CD22: variants seen among roughly 807,000 people sequenced by gnomAD.
CD22 encodes CD22 molecule.
Under a neutral mutation model 94.7 loss-of-function variants are expected in CD22, and 51 were observed. The observed-to-expected ratio is 0.54, with a 90% CI of 0.43 to 0.68. The LOEUF (loss-of-function observed/expected upper bound fraction) is 0.68, where lower values mean the gene tolerates loss of function less well. Among genes scored for constraint, CD22 ranks in the 30% least tolerant of loss-of-function variants. The pLI is 0.00. For missense variants in CD22, 931 were observed against 1,060.4 expected (o/e 0.88, Z 1.69); for synonymous variants, 424 against 422.5 (o/e 1.00, Z -0.04).
intron 11 of CD22, chr19:35,345,377 C>T (rs1284211568): frequency 1.3e-5 from 7 of 535,414 alleles, no homozygotes; most frequent in African/African-American, 8.1e-5. Flanking sequence ...GCCAAGATTG[C>T]GCCATTGCAC....
At chr19:35,345,773 A>G in intron 12 of CD22, 53 bp downstream of exon 12, 2 of 1,255,164 alleles carry the variant, frequency 1.6e-6, no homozygotes, top group Non-Finnish European at 2.3e-6. Context: ...AGGCGGGAGG[A>G]AAAGCTCTGT....
chr19:35,339,424 A>T (rs1461328497), intron 6 of CD22, among the ~76,000 whole-genome samples: 1 of 151,558 alleles, frequency 6.6e-6, no homozygotes, highest in African/African-American at 2.4e-5. Flanking sequence ...TGGCATGGTC[A>T]TGCATGCCTG....
At chr19:35,334,753 C>G (rs2066694185) in intron 3 of CD22, among the ~76,000 whole-genome samples, 1 of 152,104 alleles carries the variant, frequency 6.6e-6, no homozygotes, top group Non-Finnish European at 1.5e-5. Context: ...GCTGAAAAGT[C>G]CGTGAACTAA....
intron 11 of CD22, 53 bp downstream of exon 11, chr19:35,345,179 A>G (rs921204280): frequency 1.3e-6 from 2 of 1,510,088 alleles, no homozygotes; most frequent in Non-Finnish European, 1.8e-6. Flanking sequence ...GCACTTTGGG[A>G]GGCTGAGGCA....
intron 9 of CD22, among the ~76,000 whole-genome samples, chr19:35,342,874 G>T (rs1175735247): frequency 6.6e-6 from 1 of 151,668 alleles, no homozygotes; most frequent in Non-Finnish European, 1.5e-5. Flanking sequence ...GCAGTGGCGT[G>T]ATCACGGCTC....
rs201113528 is a variant in CD22 at position 35,338,501 on chromosome 19, GT to G, written c.1249+71del. 1.8e-3 allele frequency: 2,669 copies of G among 1,509,838 alleles called. 60 individuals are homozygous for G. The East Asian group carries it at 0.053, about 30-fold the overall frequency. 93.5% of individuals were successfully genotyped at this position (1,509,838 alleles called of 1,614,324 possible). On this transcript the variant is annotated intron_variant, in intron 6 of 13. Transcript: ENST00000085219. Reference sequence around the variant, plus strand: ...ACAGGGAACGGGGAAGGCAGATGGGGTGCAGGGCATTCCGGGGTCCTGGAGT... The same window carrying G: ...ACAGGGAACGGGGAAGGCAGATGGGGGCAGGGCATTCCGGGGTCCTGGAGT...
intron 11 of CD22, 178 bp from the exon 12 acceptor site, chr19:35,345,420 CAAAA>C (rs61349223): frequency 0.017 from 2,686 of 154,156 alleles, no homozygotes; most frequent in Middle Eastern, 0.024. Context: ...GACTCTGCCT[CAAAA>C]AAAAAAAAAA....
chr19:35,339,192 C>T (rs1328501095), intron 6 of CD22, among the ~76,000 whole-genome samples: 1 of 152,080 alleles, frequency 6.6e-6, no homozygotes, highest in Non-Finnish European at 1.5e-5. Flanking sequence ...GAACTATGTT[C>T]CTGCTACTGC....
chr19:35,333,279 A>G (rs1472508062), intron 3 of CD22, among the ~76,000 whole-genome samples: 1 of 152,114 alleles, frequency 6.6e-6, no homozygotes, highest in Non-Finnish European at 1.5e-5. Flanking sequence ...GTGGGTCTGC[A>G]TGTAACCAGC....
chr19:35,341,724 G>C lies in CD22; in HGVS notation c.1794G>C (p.Val598=). Reference sequence around the variant, plus strand: ...CAGATGCACCCAGGAGGCTGCGTGTGTCCATGAGCCCGGGGGACCAAGTGA... The same window carrying C: ...CAGATGCACCCAGGAGGCTGCGTGTCTCCATGAGCCCGGGGGACCAAGTGA... The part of the protein sequence containing the change: ...EVLYAPRRLR[V]SMSPGDQVME... The change falls in exon 9 of 14, where the codon GTG becomes GTC. Residue 598 remains valine, a synonymous_variant. Coordinates refer to ENST00000085219, the MANE Select transcript of CD22 (RefSeq NM_001771.4). This position sits in a 1 kb window ranked among gnomAD's most constrained non-coding sequence, Gnocchi z 4.0. 6.2e-7 allele frequency: 1 copy of C among 1,610,836 alleles called. No homozygotes were observed. The highest frequency in any genetic ancestry group is 1.3e-5 in the African/African-American group (1 of 75,036).
chr19:35,341,538 G>C lies in CD22; in HGVS notation c.1703G>C (p.Ser568Thr). The C allele has an allele frequency of 6.2e-7, 1 of 1,614,132 alleles. No individual in the cohort carries two copies. The highest frequency in any genetic ancestry group is 8.5e-7 in the Non-Finnish European group (1 of 1,180,024). Residue 568 changes from serine to threonine, a missense_variant, in exon 8 of 14, where the codon AGT becomes ACT. Physicochemically the swap from Ser to Thr is moderately conservative, Grantham distance 58. Transcript: ENST00000085219. The surrounding 1 kb of genome is among the most constrained non-coding windows in gnomAD (Gnocchi z 4.0). ...FDSISPEDAG[S>T]YSCWVNNSIG... ...TCCATCTCCCCAGAAGATGCTGGGA[G>C]TTACAGCTGCTGGGTGAACAACTCC...
At chr19:35,336,456 C>CCAGCCCTGGTCACGCCGCCTTGT in intron 4 of CD22, 115 bp downstream of exon 4, 1 of 961,884 alleles carries the variant, frequency 1.0e-6, no homozygotes, top group Non-Finnish European at 1.5e-6. Context: ...GCGGCATCCT[C>CCAGCCCTGGTCACGCCGCCTTGT]CAGCCCTGGT....
intron 9 of CD22, among the ~76,000 whole-genome samples, chr19:35,342,698 C>T (rs1051278404): frequency 6.6e-6 from 1 of 152,220 alleles, no homozygotes; most frequent in Non-Finnish European, 1.5e-5. Context: ...GGTCCCCTCT[C>T]AGGCTGCTCC....
In CD22 at chr19:35,341,631, G is replaced by A. The variant is rs1390611698; in HGVS notation, c.1771+25G>A. ...TGTGAGTGAGGGCCGGAGGCTGGGA[G>A]TGGAGCAGAGAAGGGACCAGTGGCC... On this transcript the variant is annotated intron_variant, in intron 8 of 13. Transcript: ENST00000085219. The surrounding 1 kb of genome is among the most constrained non-coding windows in gnomAD (Gnocchi z 4.0). 1 of 1,607,772 alleles carries A rather than the reference G, an allele frequency of 6.2e-7. No individual in the cohort carries two copies. The highest frequency in any genetic ancestry group is 1.1e-5 in the South Asian group (1 of 90,906).
chr19:35,338,243 T>C lies in CD22; in HGVS notation c.1061T>C (p.Met354Thr), dbSNP rs142135021. Residue 354 changes from methionine to threonine, a missense_variant, in exon 6 of 14, where the codon ATG becomes ACG. Physicochemically the swap from Met to Thr is moderately conservative, Grantham distance 81. Coordinates refer to ENST00000085219, the MANE Select transcript of CD22 (RefSeq NM_001771.4). ...VEGSQVEFLCMSLANPLPTNY... is the reference protein window; with the variant it reads ...VEGSQVEFLCTSLANPLPTNY... ...GGAAGTCAAGTCGAGTTTCTTTGCA[T>C]GTCACTGGCCAATCCTCTTCCAACA... 1 of 1,614,228 alleles carries C rather than the reference T, an allele frequency of 6.2e-7. No homozygotes were observed. The highest frequency in any genetic ancestry group is 8.5e-7 in the Non-Finnish European group (1 of 1,180,036).
chr19:35,346,774 C>T lies in CD22; in HGVS notation c.*77C>T, dbSNP rs2066915331. The T allele has an allele frequency of 1.4e-6, 2 of 1,403,778 alleles. No individual in the cohort carries two copies. Among genetic ancestry groups the T allele is most frequent in the Non-Finnish European group, 9.7e-7 (1 of 1,034,014 alleles). 87.0% of individuals were successfully genotyped at this position (1,403,778 alleles called of 1,614,324 possible). ...CCCCGAGTTTCCCCAGACACCGCCACATGGCTTCCTCCTGCGCGCATGTGC... is the reference window on the plus strand; with the variant it reads ...CCCCGAGTTTCCCCAGACACCGCCATATGGCTTCCTCCTGCGCGCATGTGC... On this transcript the variant is annotated 3_prime_UTR_variant, in exon 14 of 14. Transcript: ENST00000085219.
chr19:35,341,534 G>A lies in CD22; in HGVS notation c.1699G>A (p.Gly567Arg). ...NFDSISPEDA[G>R]SYSCWVNNSI... Reference sequence around the variant, plus strand: ...TGACTCCATCTCCCCAGAAGATGCTGGGAGTTACAGCTGCTGGGTGAACAA... The same window carrying A: ...TGACTCCATCTCCCCAGAAGATGCTAGGAGTTACAGCTGCTGGGTGAACAA... Residue 567 changes from glycine to arginine, a missense_variant, in exon 8 of 14, where the codon GGG becomes AGG. Transcript: ENST00000085219. This position sits in a 1 kb window ranked among gnomAD's most constrained non-coding sequence, Gnocchi z 4.0. 1 of 1,614,144 alleles carries A rather than the reference G, an allele frequency of 6.2e-7. No homozygotes were observed. The highest frequency in any genetic ancestry group is 1.1e-5 in the South Asian group (1 of 91,088).
rs536099539 is a variant in CD22 at position 35,333,270 on chromosome 19, T to C, written c.412+346T>C. Reference sequence around the variant, plus strand: ...CAAGCACCGCATTCCTTTAGTGGGGTGGGTCTGCATGTAACCAGCCTCAGC... The same window carrying C: ...CAAGCACCGCATTCCTTTAGTGGGGCGGGTCTGCATGTAACCAGCCTCAGC... On this transcript the variant is annotated intron_variant, in intron 3 of 13. Transcript: ENST00000085219. Among the ~76,000 whole-genome samples the C allele has an allele frequency of 2.6e-5, 4 of 152,244 alleles. No homozygotes were observed. The South Asian group carries it at 8.3e-4, about 32-fold the overall frequency.
rs1269229339 is a variant in CD22 at position 35,337,890 on chromosome 19, C to T, written c.854C>T (p.Ser285Leu). The T allele has an allele frequency of 5.0e-6, 8 of 1,614,070 alleles. No individual in the cohort carries two copies. Among genetic ancestry groups the T allele is most frequent in the East Asian group, 2.2e-5 (1 of 44,904 alleles). The change falls in exon 5 of 14, where the codon TCG (serine) becomes TTG (leucine). Residue 285 changes from serine to leucine, a missense_variant. Ser to Leu is a moderately radical substitution (Grantham distance 145). Transcript: ENST00000085219. The surrounding 1 kb of genome is among the most constrained non-coding windows in gnomAD (Gnocchi z 4.4). The stretch of plus-strand genomic sequence containing the variant: ...GTATCCTGGCTCAAGGATGGGACCT[C>T]GCTGAAGAAGCAGAATACATTCACG... ...TTVSWLKDGT[S>L]LKKQNTFTLN...
Sources: gnomAD v4.1 joint callset for allele counts (sites outside exome capture counted in the v4.1 genomes callset) on GRCh38, gnomAD v4.1.1 for gene constraint, Gnocchi (gnomAD v3.1) non-coding constraint, MANE v1.5 for transcripts, NCBI Gene and HGNC (gene_info 2026-07-23, HGNC 2026-07-21) for gene names.